The following MED1 variants were observed in gnomAD, a reference collection of about 807,000 sequenced individuals.
MED1 encodes mediator of RNA polymerase II transcription subunit 1.
A neutral mutation model predicts 121.3 loss-of-function variants in MED1; 17 were observed. That is an observed-to-expected ratio of 0.14 (90% CI 0.10 to 0.21). The LOEUF (loss-of-function observed/expected upper bound fraction) is 0.21, where lower values mean the gene tolerates loss of function less well. Ranked by LOEUF, MED1 falls within the 10% of genes least tolerant of loss-of-function variation. MED1 has a pLI of 1.00. For missense variants in MED1, 1,558 were observed against 1,919.4 expected, an observed-to-expected ratio of 0.81 and a Z score of 3.52; for synonymous variants, 661 against 694.4, an observed-to-expected ratio of 0.95 and a Z score of 0.76.
Position 39,447,857 on chromosome 17 carries a change from C to A in MED1, c.73G>T (p.Ala25Ser), listed in dbSNP as rs1471782999. 6 of 1,613,636 alleles carry A rather than the reference C, an allele frequency of 3.7e-6. No homozygotes were observed. In the Admixed American group the frequency reaches 1.0e-4, roughly 27 times the overall value. Residue 25 changes from alanine (A) to serine (S), a missense_variant, in exon 2 of 17, where the codon GCA (alanine) becomes TCA (serine). Physicochemically the swap from Ala to Ser is moderately conservative, Grantham distance 99 (BLOSUM62 1). This residue lies in a region of MED1 where 443 missense variants were observed against 532.4 expected (regional missense o/e 0.83). Transcript: ENST00000300651. ...KMSSLLERLH[A>S]KFNQNRPWSE... Reference sequence around the variant, plus strand: ...CAGGGTCTATTTTGGTTAAATTTTGCATGGAGCCGTTCCAGGAGAGAACTC... The same window carrying A: ...CAGGGTCTATTTTGGTTAAATTTTGAATGGAGCCGTTCCAGGAGAGAACTC...
rs750032186 is a variant in MED1 at position 39,422,469 on chromosome 17, GTTTTT to G, written c.1095+853_1095+857del. Among the ~76,000 whole-genome samples, 25 of 74,356 alleles carry G rather than the reference GTTTTT, an allele frequency of 3.4e-4. No homozygotes were observed. The Admixed American group carries it at 3.8e-3, about 11-fold the overall frequency. The allele number at this position is 74,356 out of a possible 152,430, so 48.8% of individuals were successfully genotyped here. On this transcript the variant is annotated intron_variant, in intron 13 of 16. Coordinates refer to ENST00000300651, the MANE Select transcript of MED1 (RefSeq NM_004774.4). ...CATGTGAAACACCACGCCCAGCCTC[GTTTTT>G]TTTTTTTTTTTTTTTTTTTGAGACG...
At chr17:39,425,116 T>C (rs144019984) in intron 10 of MED1, among the ~76,000 whole-genome samples, 64 of 152,268 alleles carry the variant, frequency 4.2e-4, no homozygotes, top group African/African-American at 1.5e-3. Flanking sequence ...CTTGACTTCA[T>C]GATCCGCCCA....
chr17:39,423,106 C>A (rs1370072202), intron 13 of MED1, among the ~76,000 whole-genome samples: 2 of 152,004 alleles, frequency 1.3e-5, no homozygotes, highest in East Asian at 3.9e-4. Context: ...ACCTCACGAT[C>A]CGCCTGCCTT....
chr17:39,415,368 C>T, intron 14 of MED1, 29 bp from the exon 15 acceptor site: 1 of 1,570,924 alleles, frequency 6.4e-7, no homozygotes, highest in Non-Finnish European at 8.7e-7. Flanking sequence ...GATCATAAAA[C>T]AACCAAATAT....
At chr17:39,418,524 C>A (rs2048431918) in intron 14 of MED1, among the ~76,000 whole-genome samples, 1 of 151,648 alleles carries the variant, frequency 6.6e-6, no homozygotes, top group Non-Finnish European at 1.5e-5. Context: ...CAGAGTGAGA[C>A]CCTGTCTCAA....
chr17:39,417,688 T>G (rs1384591216), intron 14 of MED1, among the ~76,000 whole-genome samples: 1 of 152,042 alleles, frequency 6.6e-6, no homozygotes, highest in Non-Finnish European at 1.5e-5. Flanking sequence ...CCTTCCCTAT[T>G]TCTTATTGTC....
chr17:39,416,609 C>G (rs2048411424), intron 14 of MED1, among the ~76,000 whole-genome samples: 1 of 152,108 alleles, frequency 6.6e-6, no homozygotes, highest in African/African-American at 2.4e-5. Flanking sequence ...ACAGAAGTGC[C>G]ACAACTTTGA....
chr17:39,440,755 C>CGCTCCCTCTCCCTCTCCCTCTCCCT lies in MED1; in HGVS notation c.212-79_212-78insAGGGAGAGGGAGAGGGAGAGGGAGC. ...GATATTCTTTTAAGACAGAAAGATTCATCCTTCCAAAACCGTAAACATATT... is the reference window on the plus strand; with the variant it reads ...GATATTCTTTTAAGACAGAAAGATTCGCTCCCTCTCCCTCTCCCTCTCCCTATCCTTCCAAAACCGTAAACATATT... On this transcript the variant is annotated intron_variant, in intron 3 of 16. Transcript: ENST00000300651. This position sits in a 1 kb window ranked among gnomAD's most constrained non-coding sequence, Gnocchi z 4.1. 2.2e-6 allele frequency: 3 copies of CGCTCCCTCTCCCTCTCCCTCTCCCT among 1,355,372 alleles called. No homozygotes were observed. Among genetic ancestry groups the CGCTCCCTCTCCCTCTCCCTCTCCCT allele is most frequent in the Non-Finnish European group, 3.1e-6 (3 of 965,032 alleles). The allele number at this position is 1,355,372 out of a possible 1,614,324, so 84.0% of individuals were successfully genotyped here.
chr17:39,405,487 C>T lies in MED1; in HGVS notation c.*1988G>A, dbSNP rs779018376. 1.4e-5 allele frequency: 20 copies of T among 1,399,730 alleles called. No individual in the cohort carries two copies. The highest frequency in any genetic ancestry group is 1.7e-5 in the Non-Finnish European group (18 of 1,078,352). The allele number at this position is 1,399,730 out of a possible 1,614,324, so 86.7% of individuals were successfully genotyped here. ...TTTTTTTTTTTCCTGCAGAAACCAACGGGATAGGATTCAAAACTAGGTGAC... is the reference window on the plus strand; with the variant it reads ...TTTTTTTTTTTCCTGCAGAAACCAATGGGATAGGATTCAAAACTAGGTGAC... On this transcript the variant is annotated 3_prime_UTR_variant, in exon 17 of 17. Transcript: ENST00000300651.
intron 2 of MED1, among the ~76,000 whole-genome samples, chr17:39,447,057 A>G (rs1869839239): frequency 6.6e-6 from 1 of 152,160 alleles, no homozygotes; most frequent in South Asian, 2.1e-4. Flanking sequence ...GCCACCAAGG[A>G]TTTCACACCT....
At chr17:39,425,797 G>C (rs891762897) in intron 10 of MED1, among the ~76,000 whole-genome samples, 1 of 144,646 alleles carries the variant, frequency 6.9e-6, no homozygotes, top group African/African-American at 2.6e-5. Context: ...GTGAGACTCT[G>C]TCTGGGGAAA....
intron 3 of MED1, among the ~76,000 whole-genome samples, chr17:39,442,728 A>G (rs1461748491): frequency 6.6e-6 from 1 of 151,288 alleles, no homozygotes; most frequent in Non-Finnish European, 1.5e-5. Flanking sequence ...CCAACATGGA[A>G]AACCCTGTCT....
intron 2 of MED1, among the ~76,000 whole-genome samples, chr17:39,446,558 G>A (rs1257368964): frequency 6.6e-6 from 1 of 151,300 alleles, no homozygotes; most frequent in East Asian, 1.9e-4. Flanking sequence ...GGCAGATCAC[G>A]AGGTCAGGAG....
At chr17:39,420,749 C>G (rs1480480560) in intron 13 of MED1, among the ~76,000 whole-genome samples, 1 of 151,538 alleles carries the variant, frequency 6.6e-6, no homozygotes, top group Non-Finnish European at 1.5e-5. Flanking sequence ...CCTCAGCTTC[C>G]CGAGCAGCTG....
chr17:39,408,427 G>A lies in MED1; in HGVS notation c.3794C>T (p.Ser1265Phe), dbSNP rs752656318. 4 of 1,614,176 alleles carry A rather than the reference G, an allele frequency of 2.5e-6. No individual in the cohort carries two copies. Among genetic ancestry groups the A allele is most frequent in the Non-Finnish European group, 3.4e-6 (4 of 1,180,030 alleles). Residue 1265 changes from serine to phenylalanine, a missense_variant, in exon 17 of 17, where the codon TCC (serine) becomes TTC (phenylalanine). This residue lies in a region of MED1 where 793 missense variants were observed against 898.2 expected (regional missense o/e 0.88). Coordinates refer to ENST00000300651, the MANE Select transcript of MED1 (RefSeq NM_004774.4). This position sits in a 1 kb window ranked among gnomAD's most constrained non-coding sequence, Gnocchi z 4.7. ...LSQKTPPSSNSCTASSSSFSS... is the reference protein window; with the variant it reads ...LSQKTPPSSNFCTASSSSFSS... ...AAAGGAGGAGGAAGATGCCGTACAGGAATTAGATGATGGGGGAGTTTTCTG... is the reference window on the plus strand; with the variant it reads ...AAAGGAGGAGGAAGATGCCGTACAGAAATTAGATGATGGGGGAGTTTTCTG...
At chr17:39,425,930 A>G (rs1269928158) in intron 10 of MED1, among the ~76,000 whole-genome samples, 1 of 152,164 alleles carries the variant, frequency 6.6e-6, no homozygotes, top group Non-Finnish European at 1.5e-5. Flanking sequence ...TTCAGTATCA[A>G]TATTTACTTA....
intron 1 of MED1, among the ~76,000 whole-genome samples, chr17:39,449,286 T>A (rs1241047622): frequency 6.6e-6 from 1 of 152,116 alleles, no homozygotes; most frequent in East Asian, 1.9e-4. Context: ...ATTCAGGTAA[T>A]CCTCCCACCT....
chr17:39,447,929 A>G (rs748524102), intron 1 of MED1, 25 bp from the exon 2 acceptor site: 15 of 1,481,806 alleles, frequency 1.0e-5, no homozygotes, highest in Admixed American at 3.4e-5. Flanking sequence ...AGAAAACGTT[A>G]TCAGTAACTG....
rs1488185396 is a variant in MED1 at position 39,409,777 on chromosome 17, T to G, written c.2444A>C (p.His815Pro). The G allele has an allele frequency of 6.2e-7, 1 of 1,614,202 alleles. No homozygotes were observed. Residue 815 changes from histidine (H) to proline (P), a missense_variant, in exon 17 of 17, where the codon CAT (histidine) becomes CCT (proline). Transcript: ENST00000300651. ...TPLRDSSSSG[H>P]SQSTLFDSDV... is the part of the protein sequence containing the mutation. ...AGAGTCAAACAGGGTACTCTGAGAATGCCCAGAGCTTGAAGAATCTCGAAG... is the reference window on the plus strand; with the variant it reads ...AGAGTCAAACAGGGTACTCTGAGAAGGCCCAGAGCTTGAAGAATCTCGAAG...
Sources: gnomAD v4.1 joint callset for allele counts (sites outside exome capture counted in the v4.1 genomes callset) on GRCh38, gnomAD v4.1.1 for gene constraint, gnomAD v4.1.1 regional missense constraint, Gnocchi (gnomAD v3.1) non-coding constraint, MANE v1.5 for transcripts, NCBI Gene and HGNC (gene_info 2026-07-23, HGNC 2026-07-21) for gene names.